The following ZNF780B variants were observed in gnomAD, a reference collection of about 807,000 sequenced individuals.
The protein encoded by ZNF780B is zinc finger protein 780B.
Under a neutral mutation model 74.1 loss-of-function variants are expected in ZNF780B, and 52 were observed. The ratio of observed to expected loss-of-function variants is 0.70; its 90% CI spans 0.56 to 0.88. The LOEUF (loss-of-function observed/expected upper bound fraction) is 0.88, where lower values mean the gene tolerates loss of function less well. Ranked by LOEUF, ZNF780B falls within the 40% of genes least tolerant of loss-of-function variation. The pLI is 0.00. For missense variants in ZNF780B, 953 were observed against 1,007.6 expected (o/e 0.95, Z 0.73); for synonymous variants, 315 against 324.3 (o/e 0.97, Z 0.31).
intron 1 of ZNF780B, 120 bp downstream of exon 1, chr19:40,056,069 G>C (rs1973487076): frequency 6.6e-6 from 1 of 152,358 alleles, no homozygotes; most frequent in Non-Finnish European, 1.5e-5. Context: ...TGCGCCCCGG[G>C]TTCCTCCTCT....
At chr19:40,037,959 A>G (rs1027527751) in intron 4 of ZNF780B, among the ~76,000 whole-genome samples, 7 of 151,158 alleles carry the variant, frequency 4.6e-5, no homozygotes, top group African/African-American at 1.7e-4. Context: ...CATGTGCACA[A>G]TGTGCAGGTT....
At chr19:40,052,900 T>G (rs1973298698) in intron 1 of ZNF780B, among the ~76,000 whole-genome samples, 1 of 152,096 alleles carries the variant, frequency 6.6e-6, no homozygotes, top group Non-Finnish European at 1.5e-5. Context: ...AAGAATGAAA[T>G]TAGACCCTTT....
chr19:40,042,950 T>C (rs1972722280), intron 4 of ZNF780B, among the ~76,000 whole-genome samples: 1 of 152,260 alleles, frequency 6.6e-6, no homozygotes, highest in African/African-American at 2.4e-5. Flanking sequence ...GGTGAGGAGC[T>C]GCATTCCTTT....
rs1294556471 is a variant in ZNF780B, at chr19:40,029,789, G to A, written c.*4568C>T. 1 of 151,936 alleles carries A rather than the reference G, an allele frequency of 6.6e-6. No individual in the cohort carries two copies. The highest frequency in any genetic ancestry group is 1.5e-5 in the Non-Finnish European group (1 of 68,006). 9.4% of individuals were successfully genotyped at this position (151,936 alleles called of 1,614,324 possible). On this transcript the variant is annotated 3_prime_UTR_variant, in exon 5 of 5. Transcript: ENST00000434248. ...GGACATGAACCAACAAACAGGGTCA[G>A]TCTTAAACATCCTCTTACGGCCTGA...
At chr19:40,050,045 A>T (rs1444565037) in intron 2 of ZNF780B, among the ~76,000 whole-genome samples, 1 of 151,898 alleles carries the variant, frequency 6.6e-6, no homozygotes, top group Non-Finnish European at 1.5e-5. Flanking sequence ...AAAATACAAA[A>T]AATTAGCCAG....
chr19:40,034,594 A>T lies in ZNF780B; in HGVS notation c.2265T>A (p.Cys755Ter), dbSNP rs1972144162. ...GATTAAAGGCCTTCCCACACTCCTTACATTTAAATGGCTTCTCACCAGTAT... is the reference window on the plus strand; with the variant it reads ...GATTAAAGGCCTTCCCACACTCCTTTCATTTAAATGGCTTCTCACCAGTAT... ...IIHTGEKPFKCKECGKAFNRG... is the reference protein window; with the variant it reads ...IIHTGEKPFK Residue 755 changes from cysteine to a stop codon, truncating the protein, a stop_gained, in exon 5 of 5, where the codon TGT becomes TGA. Coordinates refer to ENST00000434248, the MANE Select transcript of ZNF780B (RefSeq NM_001005851.3). LOFTEE classifies it high-confidence loss of function. The T allele has an allele frequency of 6.2e-7, 1 of 1,614,062 alleles. No individual in the cohort carries two copies. Among genetic ancestry groups the T allele is most frequent in the Non-Finnish European group, 8.5e-7 (1 of 1,179,988 alleles).
In ZNF780B at chr19:40,035,768, C is replaced by A; in HGVS notation, c.1091G>T (p.Arg364Met). The A allele has an allele frequency of 6.2e-7, 1 of 1,613,298 alleles. No individual in the cohort carries two copies. The highest frequency in any genetic ancestry group is 8.5e-7 in the Non-Finnish European group (1 of 1,179,814). ...IHMGEKPFEC[R>M]ECGKAFSLLN... ...GAGACTAAAGGCCTTCCCGCATTCCCTGCATTCAAAGGGCTTCTCACCCAT... is the reference window on the plus strand; with the variant it reads ...GAGACTAAAGGCCTTCCCGCATTCCATGCATTCAAAGGGCTTCTCACCCAT... Residue 364 changes from arginine (R) to methionine (M), a missense_variant, in exon 5 of 5, where the codon AGG (arginine) becomes ATG (methionine). Arg to Met is a moderately conservative substitution (Grantham distance 91). Transcript: ENST00000434248.
Position 40,032,083 on chromosome 19 carries a change from G to A in ZNF780B, c.*2274C>T, listed in dbSNP as rs1972028670. ...GTAAAGAAAATACAACCAAGAACAA[G>A]GCTAAATGACACTATAAAGAAAGAA... On this transcript the variant is annotated 3_prime_UTR_variant, in exon 5 of 5. Coordinates refer to ENST00000434248, the MANE Select transcript of ZNF780B (RefSeq NM_001005851.3). The A allele has an allele frequency of 4.4e-6, 2 of 455,878 alleles. No homozygotes were observed. Among genetic ancestry groups the A allele is most frequent in the Admixed American group, 2.4e-5 (1 of 42,376 alleles). The allele number at this position is 455,878 out of a possible 1,614,324, so 28.2% of individuals were successfully genotyped here. A position where few individuals can be genotyped will look rare whatever the true frequency, so the allele number is the denominator to read the frequency against.
chr19:40,047,439 T>A lies in ZNF780B; in HGVS notation c.168A>T (p.Thr56=). ...GSSISKPDVI[T]LLEQEKEPWI... ...AGGGCTCTTTCTCTTGCTCTAGTAA[T>A]GTAATCACATCTGGCTTAGAAATGG... Residue 56 remains threonine (T), a synonymous_variant, in exon 4 of 5, where the codon ACA becomes ACT. Coordinates refer to ENST00000434248, the MANE Select transcript of ZNF780B (RefSeq NM_001005851.3). 1 of 1,613,848 alleles carries A rather than the reference T, an allele frequency of 6.2e-7. No homozygotes were observed. The highest frequency in any genetic ancestry group is 2.2e-5 in the East Asian group (1 of 44,850).
At chr19:40,055,775 C>T (rs897387691) in intron 1 of ZNF780B, among the ~76,000 whole-genome samples, 1 of 152,162 alleles carries the variant, frequency 6.6e-6, no homozygotes. Context: ...GCTTCATTCT[C>T]GGTTCAATAT....
chr19:40,040,187 G>C (rs954139020), intron 4 of ZNF780B, among the ~76,000 whole-genome samples: 1 of 152,050 alleles, frequency 6.6e-6, no homozygotes, highest in African/African-American at 2.4e-5. Flanking sequence ...TTTGTCTTTG[G>C]TTCTGTTTAT....
chr19:40,046,200 T>G (rs1972926005), intron 4 of ZNF780B, among the ~76,000 whole-genome samples: 1 of 152,110 alleles, frequency 6.6e-6, no homozygotes, highest in African/African-American at 2.4e-5. Flanking sequence ...GTAGAGTGAC[T>G]CTAATTAACA....
At chr19:40,039,639 G>T (rs1284252731) in intron 4 of ZNF780B, among the ~76,000 whole-genome samples, 1 of 152,136 alleles carries the variant, frequency 6.6e-6, no homozygotes, top group African/African-American at 2.4e-5. Context: ...TCCCTTGTAA[G>T]TTGGATTCCC....
intron 4 of ZNF780B, among the ~76,000 whole-genome samples, chr19:40,044,506 AG>A (rs1338009745): frequency 1.3e-5 from 2 of 152,246 alleles, no homozygotes; most frequent in East Asian, 1.9e-4. Context: ...TCACCAGTCA[AG>A]GACACTATCC....
chr19:40,038,036 T>C (rs1282122090), intron 4 of ZNF780B, among the ~76,000 whole-genome samples: 2 of 152,132 alleles, frequency 1.3e-5, no homozygotes, highest in African/African-American at 2.4e-5. Context: ...TAGCATTAGG[T>C]ATATCTCCTA....
At chr19:40,053,964 C>T (rs1973356618) in intron 1 of ZNF780B, among the ~76,000 whole-genome samples, 3 of 152,206 alleles carry the variant, frequency 2.0e-5, no homozygotes, top group Admixed American at 6.5e-5. Context: ...ACCACCCTGG[C>T]CAACATGGCA....
At position 40,031,852 on chromosome 19, in the gene ZNF780B, T is replaced by C. The variant is rs977905649; in HGVS notation, c.*2505A>G. On this transcript the variant is annotated 3_prime_UTR_variant, in exon 5 of 5. Coordinates refer to ENST00000434248, the MANE Select transcript of ZNF780B (RefSeq NM_001005851.3). ...GAGATGACAACGTCTCTCCATAGAT[T>C]ACTTACCCACTACAAACTAAATCTT... 1.4e-5 allele frequency: 4 copies of C among 278,902 alleles called. No homozygotes were observed. Among genetic ancestry groups the C allele is most frequent in the Non-Finnish European group, 1.4e-5 (2 of 138,188 alleles). 17.3% of individuals were successfully genotyped at this position (278,902 alleles called of 1,614,324 possible).
chr19:40,050,998 A>G (rs1351544861), intron 1 of ZNF780B, among the ~76,000 whole-genome samples: 1 of 152,246 alleles, frequency 6.6e-6, no homozygotes, highest in Admixed American at 6.5e-5. Context: ...CAGGTTACAA[A>G]GCAGGATAAA....
rs2144719834 is a variant in ZNF780B, at chr19:40,036,216, G to T, written c.643C>A (p.His215Asn). Residue 215 changes from histidine to asparagine, a missense_variant, in exon 5 of 5, where the codon CAT (histidine) becomes AAT (asparagine). Coordinates refer to ENST00000434248, the MANE Select transcript of ZNF780B (RefSeq NM_001005851.3). Reference protein sequence around the residue: ...HIQLTRHQKFHTGEKTFECKE... With the variant: ...HIQLTRHQKFNTGEKTFECKE... ...CATTCAAAAGTTTTCTCACCAGTAT[G>T]AAATTTCTGATGTCGAGTAAGTTGT... The T allele has an allele frequency of 6.2e-7, 1 of 1,611,470 alleles. No individual in the cohort carries two copies. Among genetic ancestry groups the T allele is most frequent in the East Asian group, 2.2e-5 (1 of 44,866 alleles).
Sources: allele counts gnomAD v4.1 joint callset (sites outside exome capture counted in the v4.1 genomes callset), GRCh38; gene constraint gnomAD v4.1.1; transcripts MANE v1.5; gene names NCBI Gene and HGNC (gene_info 2026-07-23, HGNC 2026-07-21).